Variants in DISC1 observed in about 807,000 individuals in gnomAD.
The protein encoded by DISC1 is DISC1 scaffold protein, also known as disrupted in schizophrenia 1 protein.
DISC1 carries 57 observed loss-of-function variants against 84.5 expected under a neutral mutation model. That is an observed-to-expected ratio of 0.67 (90% confidence interval 0.55 to 0.84). DISC1 has a LOEUF of 0.84. Among genes scored for constraint, DISC1 ranks in the 40% least tolerant of loss-of-function variants. The pLI, the probability that DISC1 is intolerant of heterozygous loss-of-function variation, is 0.00. For missense variants in DISC1, 1,000 were observed against 1,057.8 expected (o/e 0.95, Z 0.76); for synonymous variants, 411 against 415.2 (o/e 0.99, Z 0.12).
chr1:231,927,761 A>G (rs2090433648), intron 9 of DISC1, among the ~76,000 whole-genome samples: 2 of 152,216 alleles, frequency 1.3e-5, no homozygotes, highest in South Asian at 4.1e-4. Flanking sequence ...AACAAAGGAG[A>G]TAGGCAAGGA....
intron 10 of DISC1, among the ~76,000 whole-genome samples, chr1:231,973,601 C>T (rs1161174565): frequency 6.6e-6 from 1 of 152,236 alleles, no homozygotes; most frequent in Non-Finnish European, 1.5e-5. Context: ...CAACAACCCA[C>T]CGAAGCATCA....
chr1:231,797,392 G>C (rs2078843668), intron 7 of DISC1, among the ~76,000 whole-genome samples: 1 of 152,142 alleles, frequency 6.6e-6, no homozygotes, highest in South Asian at 2.1e-4. Context: ...CTGTAGACGA[G>C]GTGGCTTATA....
intron 10 of DISC1, among the ~76,000 whole-genome samples, chr1:231,995,974 C>T (rs1369584451): frequency 6.6e-6 from 1 of 152,086 alleles, no homozygotes; most frequent in East Asian, 1.9e-4. Context: ...AAAAGTGTTC[C>T]TATTTCTCCA....
At position 232,036,967 on chromosome 1, in the gene DISC1, G is replaced by A. The variant is rs1572715931; in HGVS notation, c.*136G>A. ...CCTTGAGGTCTTTCAGTGGAAAGGT[G>A]GTTCATGTTCATTCTCATCAGTGTG... On this transcript the variant is annotated 3_prime_UTR_variant, in exon 13 of 13. Coordinates refer to ENST00000439617, the MANE Select transcript of DISC1 (RefSeq NM_018662.3). 2.0e-6 allele frequency: 2 copies of A among 979,364 alleles called. No homozygotes were observed. The highest frequency in any genetic ancestry group is 2.8e-6 in the Non-Finnish European group (2 of 716,686). The allele number at this position is 979,364 out of a possible 1,614,324, so 60.7% of individuals were successfully genotyped here. A position where few individuals can be genotyped will look rare whatever the true frequency, so the allele number is the denominator to read the frequency against.
intron 10 of DISC1, among the ~76,000 whole-genome samples, chr1:231,965,227 T>C (rs1288653657): frequency 6.6e-6 from 1 of 152,238 alleles, no homozygotes; most frequent in Admixed American, 6.5e-5. Context: ...TTTTAGTGTA[T>C]GTTTAAATAA....
At chr1:231,987,046 A>G (rs909492732) in intron 10 of DISC1, among the ~76,000 whole-genome samples, 2 of 152,186 alleles carry the variant, frequency 1.3e-5, no homozygotes, top group African/African-American at 4.8e-5. Flanking sequence ...CGGTCTGTTC[A>G]TGAGAAAGGG....
At chr1:231,747,539 C>T (rs907609775) in intron 3 of DISC1, among the ~76,000 whole-genome samples, 8 of 152,098 alleles carry the variant, frequency 5.3e-5, no homozygotes, top group African/African-American at 1.7e-4. Context: ...GTGTTTGGAA[C>T]CTTTGTCAAA....
chr1:231,876,304 G>T (rs551205800), intron 9 of DISC1, among the ~76,000 whole-genome samples: 1 of 152,176 alleles, frequency 6.6e-6, no homozygotes, highest in Non-Finnish European at 1.5e-5. Flanking sequence ...TTTGTCATGT[G>T]ATGTGCCTGG....
rs977656989 is a variant in DISC1 at position 231,698,304 on chromosome 1, CTG to C, written c.1047+3502_1047+3503del. Among the ~76,000 whole-genome samples, 1 of 152,116 alleles carries C rather than the reference CTG, an allele frequency of 6.6e-6. No homozygotes were observed. Among genetic ancestry groups the C allele is most frequent in the African/African-American group, 2.4e-5 (1 of 41,410 alleles). On this transcript the variant is annotated intron_variant, in intron 2 of 12. Coordinates refer to ENST00000439617, the MANE Select transcript of DISC1 (RefSeq NM_018662.3). This position sits in a 1 kb window ranked among gnomAD's most constrained non-coding sequence, Gnocchi z 4.9. ...CAGTACTGTGAATAAGGAGAATCGACTGTGAATATTTTATGCTGTTTAGAAAT... is the reference window on the plus strand; with the variant it reads ...CAGTACTGTGAATAAGGAGAATCGACTGAATATTTTATGCTGTTTAGAAAT...
intron 1 of DISC1, among the ~76,000 whole-genome samples, chr1:231,692,432 T>C (rs2065154828): frequency 6.6e-6 from 1 of 152,230 alleles, no homozygotes; most frequent in Admixed American, 6.5e-5. Flanking sequence ...CTAGAGGTCA[T>C]TGTGCTCATT....
In DISC1 at chr1:231,626,826, G is replaced by A. The variant is rs1284337461; in HGVS notation, c.-42G>A. 7.1e-7 allele frequency: 1 copy of A among 1,406,398 alleles called. No individual in the cohort carries two copies. Among genetic ancestry groups the A allele is most frequent in the East Asian group, 2.8e-5 (1 of 36,188 alleles). 87.1% of individuals were successfully genotyped at this position (1,406,398 alleles called of 1,614,324 possible). A position where few individuals can be genotyped will look rare whatever the true frequency, so the allele number is the denominator to read the frequency against. ...GCCTCTGGCCTCGGGGAAGGAGCAG[G>A]AGGCAGCCCAGGCGGAGCGGGAGGA... On this transcript the variant is annotated 5_prime_UTR_variant, in exon 1 of 13. Coordinates refer to ENST00000439617, the MANE Select transcript of DISC1 (RefSeq NM_018662.3).
intron 9 of DISC1, among the ~76,000 whole-genome samples, chr1:231,862,110 C>A (rs1315199642): frequency 6.6e-6 from 1 of 152,192 alleles, no homozygotes; most frequent in African/African-American, 2.4e-5. Flanking sequence ...CCACACCTGA[C>A]AACAGTTATA....
chr1:232,009,118 A>G lies in DISC1; in HGVS notation c.2307+69A>G, dbSNP rs779100521. On this transcript the variant is annotated intron_variant, in intron 11 of 12. Coordinates refer to ENST00000439617, the MANE Select transcript of DISC1 (RefSeq NM_018662.3). The surrounding 1 kb of genome is among the most constrained non-coding windows in gnomAD (Gnocchi z 4.6). ...AGGGGTGCTTTGGGACCATGCTCCA[A>G]ATGGGAACAATAAATATTGGGAAGG... is the stretch of plus-strand genomic sequence containing the variant. 6.2e-7 allele frequency: 1 copy of G among 1,603,880 alleles called. No homozygotes were observed. The highest frequency in any genetic ancestry group is 8.5e-7 in the Non-Finnish European group (1 of 1,174,500).
intron 9 of DISC1, among the ~76,000 whole-genome samples, chr1:231,892,426 G>A (rs1429181244): frequency 2.0e-5 from 3 of 152,134 alleles, no homozygotes; most frequent in African/African-American, 4.8e-5. Context: ...CTTATAAACT[G>A]TGTCCTTGAG....
At chr1:231,691,086 C>T (rs1178506056) in intron 1 of DISC1, among the ~76,000 whole-genome samples, 1 of 152,162 alleles carries the variant, frequency 6.6e-6, no homozygotes, top group Non-Finnish European at 1.5e-5. Context: ...CAACTGGAAC[C>T]TGGCTTGCAG....
intron 3 of DISC1, chr1:231,724,012 C>T: frequency 4.1e-6 from 4 of 985,404 alleles, no homozygotes; most frequent in Non-Finnish European, 4.8e-6. Context: ...AAATGCAGCC[C>T]ACTCTGATAT....
In DISC1 at chr1:232,009,939, G is replaced by A. The variant is rs821620; in HGVS notation, c.2307+890G>A. Among the ~76,000 whole-genome samples, 41,589 of 152,004 alleles carry A rather than the reference G, an allele frequency of 0.27. 5,958 individuals carry two copies. The highest frequency in any genetic ancestry group is 0.29 in the African/African-American group (12,218 of 41,456). ...GTGCTTCCTCCCTGGGTCTTTGCCA[G>A]GACTCACCACTGGTGGGTGGGGAAA... On this transcript the variant is annotated intron_variant, in intron 11 of 12. Coordinates refer to ENST00000439617, the MANE Select transcript of DISC1 (RefSeq NM_018662.3). The surrounding 1 kb of genome is among the most constrained non-coding windows in gnomAD (Gnocchi z 4.6).
At chr1:231,983,560 T>G in intron 10 of DISC1, among the ~76,000 whole-genome samples, 2 of 82,104 alleles carry the variant, frequency 2.4e-5, no homozygotes, top group African/African-American at 4.9e-5. Context: ...TGGGGGGAGG[T>G]AGAGGAGTGG....
chr1:231,962,469 A>G (rs1660516355), intron 10 of DISC1, among the ~76,000 whole-genome samples: 1 of 152,180 alleles, frequency 6.6e-6, no homozygotes, highest in East Asian at 1.9e-4. Flanking sequence ...TGATGGAACC[A>G]TAAAAGAGCC....
Sources: gnomAD v4.1 joint callset for allele counts (sites outside exome capture counted in the v4.1 genomes callset) on GRCh38, gnomAD v4.1.1 for gene constraint, Gnocchi (gnomAD v3.1) non-coding constraint, MANE v1.5 for transcripts, NCBI Gene and HGNC (gene_info 2026-07-23, HGNC 2026-07-21) for gene names.